The following FOXO3 variants were observed in gnomAD, a reference collection of about 807,000 sequenced individuals.
FOXO3 encodes the protein forkhead box protein O3.
A neutral mutation model predicts 41.9 loss-of-function variants in FOXO3; 4 were observed. The ratio of observed to expected loss-of-function variants is 0.10; its 90% CI spans 0.05 to 0.22. The LOEUF (loss-of-function observed/expected upper bound fraction) is 0.22. Among genes scored for constraint, FOXO3 ranks in the 10% least tolerant of loss-of-function variants. The pLI is 1.00. For missense variants in FOXO3, 534 were observed against 906.8 expected, an observed-to-expected ratio of 0.59 and a Z score of 5.28; for synonymous variants, 318 against 389.3, an observed-to-expected ratio of 0.82 and a Z score of 2.16.
At chr6:108,622,280 A>AG (rs56240628) in intron 1 of FOXO3, among the ~76,000 whole-genome samples, 6 of 148,840 alleles carry the variant, frequency 4.0e-5, no homozygotes, top group Non-Finnish European at 4.5e-5. Flanking sequence ...AAAAAAAAAA[A>AG]GGCAGGGATA....
intron 1 of FOXO3, among the ~76,000 whole-genome samples, chr6:108,562,365 A>G (rs1350040301): frequency 2.0e-5 from 3 of 152,242 alleles, no homozygotes; most frequent in Admixed American, 6.5e-5. Context: ...ACCTACAGGC[A>G]CATCGATCCG....
chr6:108,669,638 G>A lies in FOXO3; in HGVS notation c.*34+4749G>A, dbSNP rs187387188. ...ACTGTCATTCAGGGAGAGAATGTTG[G>A]GATCTTTTTAGTGTCGATGAGCGCG... On this transcript the variant is annotated intron_variant, in intron 2 of 2. Transcript: ENST00000406360. Among the ~76,000 whole-genome samples, 3 of 152,266 alleles carry A rather than the reference G, an allele frequency of 2.0e-5. No homozygotes were observed. The East Asian group carries it at 5.8e-4, about 29-fold the overall frequency.
Position 108,561,015 on chromosome 6 carries a change from G to A in FOXO3, c.-194G>A, listed in dbSNP as rs1048720873. On this transcript the variant is annotated 5_prime_UTR_variant, in exon 1 of 3. Coordinates refer to ENST00000406360, the MANE Select transcript of FOXO3 (RefSeq NM_001455.4). Reference sequence around the variant, plus strand: ...ACTGGGAGGTGGCGGCAGCGGGCGAGGACTCGCCGAGGACGGGGCTCCGGC... The same window carrying A: ...ACTGGGAGGTGGCGGCAGCGGGCGAAGACTCGCCGAGGACGGGGCTCCGGC... 6 of 1,375,568 alleles carry A rather than the reference G, an allele frequency of 4.4e-6. No homozygotes were observed. Among genetic ancestry groups the A allele is most frequent in the South Asian group, 3.5e-5 (2 of 57,866 alleles). The allele number at this position is 1,375,568 out of a possible 1,614,324, so 85.2% of individuals were successfully genotyped here.
chr6:108,634,323 A>G (rs923448299), intron 1 of FOXO3, among the ~76,000 whole-genome samples: 1 of 152,152 alleles, frequency 6.6e-6, no homozygotes, highest in Admixed American at 6.5e-5. Flanking sequence ...TGAGGATATT[A>G]TCTTGGGTGG....
intron 1 of FOXO3, 69 bp downstream of exon 1, chr6:108,561,898 A>C: frequency 6.8e-7 from 1 of 1,478,486 alleles, no homozygotes; most frequent in South Asian, 1.4e-5. Context: ...CGCGTCTCGG[A>C]TTCGTCGGAG....
intron 1 of FOXO3, among the ~76,000 whole-genome samples, chr6:108,569,711 G>A (rs1170046962): frequency 6.6e-6 from 1 of 152,142 alleles, no homozygotes; most frequent in Non-Finnish European, 1.5e-5. Flanking sequence ...ACACCTTGGT[G>A]TCCAGATGTG....
At chr6:108,569,535 T>G (rs1275068204) in intron 1 of FOXO3, among the ~76,000 whole-genome samples, 2 of 152,204 alleles carry the variant, frequency 1.3e-5, no homozygotes, top group African/African-American at 2.4e-5. Context: ...TTTTTGAGGT[T>G]TTAATCTTGA....
chr6:108,582,054 T>A (rs1288487400), intron 1 of FOXO3, among the ~76,000 whole-genome samples: 1 of 152,180 alleles, frequency 6.6e-6, no homozygotes, highest in African/African-American at 2.4e-5. Context: ...CTACAAACAA[T>A]GTCAGCTATT....
intron 1 of FOXO3, among the ~76,000 whole-genome samples, chr6:108,607,108 C>T (rs1165254120): frequency 2.6e-5 from 4 of 152,114 alleles, no homozygotes; most frequent in Non-Finnish European, 4.4e-5. Flanking sequence ...CCTGAAAGGT[C>T]GTACTTAGGA....
At chr6:108,616,251 G>A (rs1399989192) in intron 1 of FOXO3, among the ~76,000 whole-genome samples, 2 of 136,726 alleles carry the variant, frequency 1.5e-5, no homozygotes, top group African/African-American at 5.4e-5. Context: ...TGCAAGCTCC[G>A]CCTCGTGGGT....
intron 1 of FOXO3, among the ~76,000 whole-genome samples, chr6:108,629,154 T>C (rs902967314): frequency 3.9e-5 from 6 of 152,126 alleles, no homozygotes; most frequent in Non-Finnish European, 8.8e-5. Flanking sequence ...TAAAATGATC[T>C]GTTACTATTA....
In FOXO3 at chr6:108,673,483, G is replaced by A. The variant is rs139958830; in HGVS notation, c.*35-6344G>A. On this transcript the variant is annotated intron_variant, in intron 2 of 2. Transcript: ENST00000406360. ...TACATGGCCACCATCTGTGTCACCT[G>A]TGTGTCCTGGTCATACCTTACAGGT... Among the ~76,000 whole-genome samples, 31 of 152,366 alleles carry A rather than the reference G, an allele frequency of 2.0e-4. No homozygotes were observed. In the East Asian group the frequency reaches 4.2e-3, roughly 21 times the overall value.
intron 1 of FOXO3, among the ~76,000 whole-genome samples, chr6:108,574,981 A>T (rs1446220258): frequency 1.3e-5 from 2 of 152,212 alleles, no homozygotes; most frequent in Admixed American, 1.3e-4. Context: ...AACAGCATGC[A>T]GGGGAGGACT....
chr6:108,674,277 GA>G (rs1770486587), intron 2 of FOXO3, among the ~76,000 whole-genome samples: 2 of 152,214 alleles, frequency 1.3e-5, no homozygotes, highest in African/African-American at 4.8e-5. Context: ...AAGAGGAAGA[GA>G]GGGTTCTTCC....
At chr6:108,652,280 T>A (rs1341715469) in intron 1 of FOXO3, among the ~76,000 whole-genome samples, 1 of 152,226 alleles carries the variant, frequency 6.6e-6, no homozygotes, top group Non-Finnish European at 1.5e-5. Context: ...GATAGTAGTG[T>A]CCCTTTGAGG....
In FOXO3 at chr6:108,681,085, TTG is replaced by T. The variant is rs768355208; in HGVS notation, c.*1297_*1298del. On this transcript the variant is annotated 3_prime_UTR_variant, in exon 3 of 3. Coordinates refer to ENST00000406360, the MANE Select transcript of FOXO3 (RefSeq NM_001455.4). ...TTCTGCTTCTATGGATTTCATTTTG[TTG>T]TGTTTTCAAAAAGTTATGGTGCTGT... The T allele has an allele frequency of 1.3e-5, 2 of 152,648 alleles. No individual in the cohort carries two copies. The highest frequency in any genetic ancestry group is 2.9e-5 in the Non-Finnish European group (2 of 68,040). The allele number at this position is 152,648 out of a possible 1,614,324, so 9.5% of individuals were successfully genotyped here. A position where few individuals can be genotyped will look rare whatever the true frequency, so the allele number is the denominator to read the frequency against.
chr6:108,650,812 T>A (rs571138116), intron 1 of FOXO3, among the ~76,000 whole-genome samples: 157 of 152,320 alleles, frequency 1.0e-3, no homozygotes, highest in Non-Finnish European at 1.4e-3. Context: ...ACTGGAAATG[T>A]CCTTTCTTTA....
chr6:108,628,948 GT>G (rs1777885846), intron 1 of FOXO3, among the ~76,000 whole-genome samples: 1 of 152,108 alleles, frequency 6.6e-6, no homozygotes, highest in South Asian at 2.1e-4. Flanking sequence ...GAAGTGTCAT[GT>G]AGCAACAGAG....
chr6:108,675,627 T>A (rs1259149069), intron 2 of FOXO3, among the ~76,000 whole-genome samples: 1 of 152,244 alleles, frequency 6.6e-6, no homozygotes, highest in Non-Finnish European at 1.5e-5. Flanking sequence ...GCTAAAATTA[T>A]CTTTCTTTTT....
Sources: gnomAD v4.1 joint callset for allele counts (sites outside exome capture counted in the v4.1 genomes callset) on GRCh38, gnomAD v4.1.1 for gene constraint, MANE v1.5 for transcripts, NCBI Gene and HGNC (gene_info 2026-07-23, HGNC 2026-07-21) for gene names.